The following DCLK1 variants were observed in gnomAD, a reference collection of about 807,000 sequenced individuals.
The protein encoded by DCLK1 is serine/threonine-protein kinase DCLK1.
DCLK1 carries 16 observed loss-of-function variants against 86.2 expected under a neutral mutation model. The ratio of observed to expected loss-of-function variants is 0.19; its 90% CI spans 0.13 to 0.28. The LOEUF (loss-of-function observed/expected upper bound fraction) is 0.28. DCLK1 is among the 10% of genes least tolerant of loss of function. DCLK1 has a pLI of 1.00. For missense variants in DCLK1, 590 were observed against 940.2 expected (o/e 0.63, Z 4.87); for synonymous variants, 369 against 370.5 (o/e 1.00, Z 0.05).
At chr13:35,954,556 C>T (rs867463261) in intron 3 of DCLK1, among the ~76,000 whole-genome samples, 5 of 152,112 alleles carry the variant, frequency 3.3e-5, no homozygotes, top group African/African-American at 4.8e-5. Context: ...ATATTAGAAG[C>T]GTGTTACGTT....
intron 4 of DCLK1, among the ~76,000 whole-genome samples, chr13:35,903,683 A>G (rs915477737): frequency 6.6e-6 from 1 of 152,114 alleles, no homozygotes; most frequent in Admixed American, 6.6e-5. Context: ...ATGTTCTACA[A>G]CAAGACTATC....
chr13:36,075,279 A>G (rs1884153826), intron 3 of DCLK1, among the ~76,000 whole-genome samples: 1 of 152,224 alleles, frequency 6.6e-6, no homozygotes, highest in South Asian at 2.1e-4. Context: ...AAACAAGTAG[A>G]TATATTTGCC....
intron 6 of DCLK1, chr13:35,845,925 G>C (rs116900350): frequency 0.02 from 19,967 of 983,944 alleles, 232 homozygotes; most frequent in South Asian, 0.027. Flanking sequence ...TTATTATATA[G>C]TTATTCTAAG....
At chr13:36,123,588 T>C (rs1886065341) in intron 2 of DCLK1, among the ~76,000 whole-genome samples, 1 of 152,238 alleles carries the variant, frequency 6.6e-6, no homozygotes. Flanking sequence ...GCTTTGGCAC[T>C]AGCCTTCCTG....
chr13:35,838,597 A>G (rs9574729), intron 7 of DCLK1, among the ~76,000 whole-genome samples: 25,671 of 152,228 alleles, frequency 0.17, 2,754 homozygotes, highest in Admixed American at 0.31. Context: ...GACATTCTGC[A>G]GTGAATTACC....
At position 35,799,977 on chromosome 13, in the gene DCLK1, TG is replaced by T. The variant is rs2153100816; in HGVS notation, c.1944+5721del. ...GGAAACATAGTTGGGATAATTTTGTTGGTATTTTGTAACTACATTAAACAAA... is the reference window on the plus strand; with the variant it reads ...GGAAACATAGTTGGGATAATTTTGTTGTATTTTGTAACTACATTAAACAAA... On this transcript the variant is annotated intron_variant, in intron 15 of 16. Coordinates refer to ENST00000360631, the MANE Select transcript of DCLK1 (RefSeq NM_001330071.2). 2.6e-5 allele frequency among the ~76,000 whole-genome samples: 4 copies of T among 152,310 alleles called. No individual in the cohort carries two copies. The South Asian group carries it at 8.3e-4, about 32-fold the overall frequency.
At chr13:35,850,096 G>A (rs184518212) in intron 6 of DCLK1, 1 of 984,552 alleles carries the variant, frequency 1.0e-6, no homozygotes, top group East Asian at 1.1e-4. Context: ...GTCTTTATGA[G>A]ATGTGTCGTT....
chr13:36,005,872 G>A (rs1880929718), intron 3 of DCLK1, among the ~76,000 whole-genome samples: 1 of 152,118 alleles, frequency 6.6e-6, no homozygotes, highest in African/African-American at 2.4e-5. Context: ...GCAGGGACAT[G>A]GATGAAGCTG....
At chr13:36,055,020 T>TTA (rs1446384717) in intron 3 of DCLK1, among the ~76,000 whole-genome samples, 2 of 151,622 alleles carry the variant, frequency 1.3e-5, no homozygotes, top group East Asian at 3.9e-4. Flanking sequence ...GCAGTAGGAG[T>TTA]TATGAGAAGG....
intron 1 of DCLK1, among the ~76,000 whole-genome samples, chr13:36,126,964 C>T (rs1281167671): frequency 6.6e-6 from 1 of 152,228 alleles, no homozygotes; most frequent in African/African-American, 2.4e-5. Context: ...GTTTCCCTGA[C>T]TCCAAAGCCC....
chr13:36,039,472 C>A (rs577184666), intron 3 of DCLK1, among the ~76,000 whole-genome samples: 5 of 152,222 alleles, frequency 3.3e-5, no homozygotes, highest in Non-Finnish European at 7.4e-5. Flanking sequence ...TCAAAATGTG[C>A]GAACATCGGT....
chr13:35,991,206 C>T (rs982777258), intron 3 of DCLK1, among the ~76,000 whole-genome samples: 1 of 152,152 alleles, frequency 6.6e-6, no homozygotes, highest in Non-Finnish European at 1.5e-5. Flanking sequence ...AGAACCTGAA[C>T]AAACAGGCCT....
chr13:35,895,936 GATT>G (rs1873944686), intron 4 of DCLK1, among the ~76,000 whole-genome samples: 1 of 3,044 alleles, frequency 3.3e-4, no homozygotes, highest in African/African-American at 4.4e-4. Context: ...ATTTTTTTAT[GATT>G]TTTTTTTTTG....
intron 3 of DCLK1, among the ~76,000 whole-genome samples, chr13:35,954,105 T>C (rs1254182129): frequency 1.3e-5 from 2 of 152,176 alleles, no homozygotes; most frequent in East Asian, 1.9e-4. Context: ...ATACTTCATT[T>C]GTAATTTCTT....
At chr13:36,024,597 G>A (rs1881954998) in intron 3 of DCLK1, among the ~76,000 whole-genome samples, 1 of 152,126 alleles carries the variant, frequency 6.6e-6, no homozygotes. Flanking sequence ...CAAAATAAAT[G>A]GGAAGACATC....
intron 8 of DCLK1, among the ~76,000 whole-genome samples, chr13:35,833,965 C>A (rs1204654117): frequency 6.6e-6 from 1 of 152,122 alleles, no homozygotes; most frequent in Non-Finnish European, 1.5e-5. Context: ...TAGAAAGAAA[C>A]AAATTGATTC....
chr13:35,858,903 G>A (rs535856499), intron 5 of DCLK1, among the ~76,000 whole-genome samples: 12 of 152,318 alleles, frequency 7.9e-5, no homozygotes, highest in African/African-American at 2.9e-4. Flanking sequence ...TGGCCATACA[G>A]AAGAGCATTA....
chr13:35,832,126 C>CA (rs1869011580), intron 8 of DCLK1, among the ~76,000 whole-genome samples: 1 of 152,054 alleles, frequency 6.6e-6, no homozygotes, highest in Non-Finnish European at 1.5e-5. Flanking sequence ...GACCCATCTA[C>CA]AAAAAATAAA....
At chr13:36,064,516 G>C (rs942398691) in intron 3 of DCLK1, among the ~76,000 whole-genome samples, 1 of 152,010 alleles carries the variant, frequency 6.6e-6, no homozygotes, top group South Asian at 2.1e-4. Flanking sequence ...AAAATTAGCT[G>C]GGCGTGGTGG....
Sources: allele counts gnomAD v4.1 joint callset (sites outside exome capture counted in the v4.1 genomes callset), GRCh38; gene constraint gnomAD v4.1.1; transcripts MANE v1.5; gene names NCBI Gene and HGNC (gene_info 2026-07-23, HGNC 2026-07-21).